The following CRELD2 variants were observed in gnomAD, a reference collection of about 807,000 sequenced individuals.
CRELD2 encodes the protein protein disulfide isomerase CRELD2.
A neutral mutation model predicts 48.1 loss-of-function variants in CRELD2; 33 were observed. The ratio of observed to expected loss-of-function variants is 0.69; its 90% CI spans 0.52 to 0.92. The LOEUF (loss-of-function observed/expected upper bound fraction) is 0.92. Ranked by LOEUF, CRELD2 falls within the 40% of genes least tolerant of loss-of-function variation. The pLI is 0.00. For synonymous variants in CRELD2, 220 were observed against 203.9 expected (o/e 1.08, Z -0.67); for missense variants, 477 against 482.4 (o/e 0.99, Z 0.10).
intron 1 of CRELD2, 28 bp from the exon 2 acceptor site, chr22:49,919,202 A>G (rs779989185): frequency 1.2e-6 from 2 of 1,610,648 alleles, no homozygotes; most frequent in Admixed American, 1.7e-5. Flanking sequence ...AGGTGGTACC[A>G]AGCACTATGG....
Position 49,925,573 on chromosome 22 carries a change from G to T in CRELD2, c.1009+16G>T. 1 of 1,612,746 alleles carries T rather than the reference G, an allele frequency of 6.2e-7. No homozygotes were observed. Among genetic ancestry groups the T allele is most frequent in the Non-Finnish European group, 8.5e-7 (1 of 1,179,976 alleles). On this transcript the variant is annotated intron_variant, in intron 9 of 9. Transcript: ENST00000328268. Reference sequence around the variant, plus strand: ...GCAGAGGCTGGTGAGTGGCACGGCTGCCCTCCACACAGGCTGCCCTCCCCT... The same window carrying T: ...GCAGAGGCTGGTGAGTGGCACGGCTTCCCTCCACACAGGCTGCCCTCCCCT...
chr22:49,919,410 A>G, intron 2 of CRELD2, 98 bp downstream of exon 2: 2 of 1,129,506 alleles, frequency 1.8e-6, no homozygotes, highest in Non-Finnish European at 2.6e-6. Flanking sequence ...GGGAGACAGA[A>G]CAGCCCCCGA....
intron 9 of CRELD2, among the ~76,000 whole-genome samples, chr22:49,927,003 A>C (rs904541573): frequency 6.9e-6 from 1 of 145,822 alleles, no homozygotes; most frequent in Non-Finnish European, 1.5e-5. Context: ...GCCGCAAGGA[A>C]CCCCTTGCCG....
Position 49,925,558 on chromosome 22 carries a change from G to T in CRELD2, c.1009+1G>T, listed in dbSNP as rs1197082192. 6.2e-7 allele frequency: 1 copy of T among 1,613,402 alleles called. No homozygotes were observed. Among genetic ancestry groups the T allele is most frequent in the Non-Finnish European group, 8.5e-7 (1 of 1,180,010 alleles). ...GCCTGTGTGCCGCCGGCAGAGGCTG[G>T]TGAGTGGCACGGCTGCCCTCCACAC... On this transcript the variant is annotated splice_donor_variant, in intron 9 of 9. Transcript: ENST00000328268. LOFTEE classifies it high-confidence loss of function.
intron 6 of CRELD2, among the ~76,000 whole-genome samples, 155 bp downstream of exon 6, chr22:49,922,862 T>TG (rs2060711757): frequency 3.1e-5 from 1 of 32,670 alleles, no homozygotes; most frequent in African/African-American, 3.9e-4. Flanking sequence ...GTGTGGGGCT[T>TG]GGGGTGTGGG....
Position 49,922,727 on chromosome 22 carries a change from T to C in CRELD2, c.688+20T>C. ...GTGTGGGTGAGGAGCGGCCCGGGGG[T>C]GGAGGAGGGCGCCTGCGTGAGGCGT... On this transcript the variant is annotated intron_variant, in intron 6 of 9. Transcript: ENST00000328268. 1 of 1,349,394 alleles carries C rather than the reference T, an allele frequency of 7.4e-7. No individual in the cohort carries two copies. Among genetic ancestry groups the C allele is most frequent in the Non-Finnish European group, 9.7e-7 (1 of 1,035,618 alleles). 83.6% of individuals were successfully genotyped at this position (1,349,394 alleles called of 1,614,324 possible).
chr22:49,919,818 C>CA lies in CRELD2; in HGVS notation c.301_302insA (p.Leu101HisfsTer14), dbSNP rs756433277. On this transcript the variant is annotated frameshift_variant, in exon 3 of 10. Transcript: ENST00000328268. LOFTEE classifies it high-confidence loss of function. ...GATGCTAGAGGCGCAGGAGGAGCACCTGGAGGCCTGGTGGCTGCAGCTGTG... is the reference window on the plus strand; with the variant it reads ...GATGCTAGAGGCGCAGGAGGAGCACCATGGAGGCCTGGTGGCTGCAGCTGTG... 2.5e-6 allele frequency: 4 copies of CA among 1,611,390 alleles called. No homozygotes were observed. Among genetic ancestry groups the CA allele is most frequent in the Non-Finnish European group, 3.4e-6 (4 of 1,178,586 alleles).
At chr22:49,922,927 TGGG>T (rs1270146969) in intron 6 of CRELD2, among the ~76,000 whole-genome samples, 4 of 44,188 alleles carry the variant, frequency 9.1e-5, no homozygotes, top group Non-Finnish European at 1.9e-4. Flanking sequence ...GGGCGTGAGG[TGGG>T]GGCGTGAGGT....
At chr22:49,919,377 C>T (rs1299953688) in intron 2 of CRELD2, 65 bp downstream of exon 2, 5 of 1,434,430 alleles carry the variant, frequency 3.5e-6, no homozygotes, top group Non-Finnish European at 4.9e-6. Context: ...CGTGTCCTGC[C>T]TTTGGTGCCT....
In CRELD2 at chr22:49,921,380, C is replaced by T. The variant is rs538592386; in HGVS notation, c.416-205C>T. The T allele has an allele frequency of 1.4e-5, 8 of 586,412 alleles. No homozygotes were observed. In the East Asian group the frequency reaches 1.4e-4, roughly 10 times the overall value. The allele number at this position is 586,412 out of a possible 1,614,324, so 36.3% of individuals were successfully genotyped here. ...ACGTGGCCATAGTGAAGCCCAGGAG[C>T]CTGTGGCTTGCTCCACTCAGGCGAT... is the stretch of plus-strand genomic sequence containing the variant. On this transcript the variant is annotated intron_variant, in intron 4 of 9. Coordinates refer to ENST00000328268, the MANE Select transcript of CRELD2 (RefSeq NM_024324.5).
chr22:49,921,415 G>A, intron 4 of CRELD2, 170 bp from the exon 5 acceptor site: 1 of 695,224 alleles, frequency 1.4e-6, no homozygotes, highest in Non-Finnish European at 2.3e-6. Flanking sequence ...TCCACCGCCA[G>A]CCCTGCAGAC....
rs771162914 is a variant in CRELD2, at chr22:49,921,584, G to T, written c.416-1G>T. ...TGAGCATGGTTTTGTGTCCCCTAAAGCATGCCAGGGCGGATCCCAGAGGCC... is the reference window on the plus strand; with the variant it reads ...TGAGCATGGTTTTGTGTCCCCTAAATCATGCCAGGGCGGATCCCAGAGGCC... On this transcript the variant is annotated splice_acceptor_variant, in intron 4 of 9. Coordinates refer to ENST00000328268, the MANE Select transcript of CRELD2 (RefSeq NM_024324.5). LOFTEE classifies it high-confidence loss of function. 1.9e-6 allele frequency: 3 copies of T among 1,611,904 alleles called. No individual in the cohort carries two copies. The highest frequency in any genetic ancestry group is 2.5e-6 in the Non-Finnish European group (3 of 1,179,412).
At chr22:49,922,150 C>G in intron 5 of CRELD2, 1 of 913,962 alleles carries the variant, frequency 1.1e-6, no homozygotes, top group Non-Finnish European at 1.6e-6. Context: ...GACGTTTTCT[C>G]CCTGGTTGTC....
chr22:49,923,835 G>A (rs866250257), intron 7 of CRELD2: 9 of 269,472 alleles, frequency 3.3e-5, no homozygotes, highest in Middle Eastern at 1.4e-3. Context: ...TTTCCAAATC[G>A]CTCAGTCAAG....
At chr22:49,923,075 G>A (rs796297452) in intron 6 of CRELD2, 159 bp from the exon 7 acceptor site, 17 of 618,964 alleles carry the variant, frequency 2.7e-5, no homozygotes, top group Middle Eastern at 4.4e-4. Flanking sequence ...TGGGGCCTCC[G>A]AGGATGGCAT....
At position 49,922,140 on chromosome 22, in the gene CRELD2, G is replaced by A. The variant is rs1432134282; in HGVS notation, c.592+379G>A. On this transcript the variant is annotated intron_variant, in intron 5 of 9. Transcript: ENST00000328268. ...CGTTATGAGTGGCATCTTTCCAAAG[G>A]ACGTTTTCTCCCTGGTTGTCACTGA... 13 of 835,760 alleles carry A rather than the reference G, an allele frequency of 1.6e-5. No individual in the cohort carries two copies. In the East Asian group the frequency reaches 3.2e-4, roughly 21 times the overall value. The allele number at this position is 835,760 out of a possible 1,614,324, so 51.8% of individuals were successfully genotyped here.
At chr22:49,922,155 G>A (rs1304613970) in intron 5 of CRELD2, 18 of 947,558 alleles carry the variant, frequency 1.9e-5, no homozygotes, top group Non-Finnish European at 2.6e-5. Context: ...TTTCTCCCTG[G>A]TTGTCACTGA....
intron 5 of CRELD2, chr22:49,922,270 C>T (rs2060696676): frequency 2.8e-6 from 4 of 1,417,956 alleles, no homozygotes; most frequent in Non-Finnish European, 3.8e-6. Context: ...CAGGACCGGC[C>T]TCTCCGATTC....
chr22:49,922,119 A>T (rs1347015044), intron 5 of CRELD2: 3 of 721,386 alleles, frequency 4.2e-6, no homozygotes, highest in Non-Finnish European at 4.4e-6. Context: ...GCAGGCCGTT[A>T]TGAGTGGCAT....
Sources: allele counts gnomAD v4.1 joint callset (sites outside exome capture counted in the v4.1 genomes callset), GRCh38; gene constraint gnomAD v4.1.1; transcripts MANE v1.5; gene names NCBI Gene and HGNC (gene_info 2026-07-23, HGNC 2026-07-21).